Variants in XYLT2 observed in about 807,000 individuals in gnomAD.
XYLT2 encodes the protein UDP-D-xylose:proteoglycan core protein beta-D-xylosyltransferase.
A neutral mutation model predicts 82.6 loss-of-function variants in XYLT2; 37 were observed. The ratio of observed to expected loss-of-function variants is 0.45; its 90% confidence interval spans 0.34 to 0.59. XYLT2 has a LOEUF of 0.59. Ranked by LOEUF, XYLT2 falls within the 20% of genes least tolerant of loss-of-function variation. The pLI is 0.01. For synonymous variants in XYLT2, 474 were observed against 499.0 expected (o/e 0.95, Z 0.67); for missense variants, 934 against 1,181.3 (o/e 0.79, Z 3.07).
chr17:50,355,195 G>A lies in XYLT2; in HGVS notation c.1007+139G>A, dbSNP rs990536947. 4.1e-6 allele frequency: 4 copies of A among 964,554 alleles called. No individual in the cohort carries two copies. In the African/African-American group the frequency reaches 4.9e-5, roughly 12 times the overall value. The allele number at this position is 964,554 out of a possible 1,614,324, so 59.7% of individuals were successfully genotyped here. A position where few individuals can be genotyped will look rare whatever the true frequency, so the allele number is the denominator to read the frequency against. On this transcript the variant is annotated intron_variant, in intron 4 of 10. Transcript: ENST00000017003. Reference sequence around the variant, plus strand: ...GCCCTGCTCAGACATGGGCCCCTGGGCCCCAGCTATGTTTTAGGGGAGGGG... The same window carrying A: ...GCCCTGCTCAGACATGGGCCCCTGGACCCCAGCTATGTTTTAGGGGAGGGG...
At chr17:50,349,918 C>T (rs1912185691) in intron 1 of XYLT2, among the ~76,000 whole-genome samples, 1 of 152,162 alleles carries the variant, frequency 6.6e-6, no homozygotes, top group Admixed American at 6.5e-5. Context: ...TATGGTGGCT[C>T]ACGCCTGTAA....
chr17:50,354,725 A>G (rs1313403920), intron 3 of XYLT2, 129 bp from the exon 4 acceptor site: 1 of 1,527,460 alleles, frequency 6.5e-7, no homozygotes, highest in Admixed American at 1.8e-5. Context: ...AGCACGAGCC[A>G]GCTCAGCCGC....
intron 3 of XYLT2, 80 bp downstream of exon 3, chr17:50,354,663 C>A (rs1912431055): frequency 2.0e-6 from 3 of 1,492,762 alleles, no homozygotes; most frequent in African/African-American, 1.8e-5. Context: ...GAGTCTCTGA[C>A]CTGGCCCAGG....
chr17:50,354,366 G>A, intron 2 of XYLT2, 42 bp from the exon 3 acceptor site: 1 of 1,563,716 alleles, frequency 6.4e-7, no homozygotes, highest in East Asian at 2.3e-5. Context: ...CCCACCCTGT[G>A]ACCTAGGGTG....
chr17:50,349,349 G>T (rs1396341894), intron 1 of XYLT2, among the ~76,000 whole-genome samples: 2 of 152,122 alleles, frequency 1.3e-5, no homozygotes, highest in Non-Finnish European at 2.9e-5. Flanking sequence ...CCAGCCTGTG[G>T]TGCCCTCCCC....
rs758112079 is a variant in XYLT2 at position 50,356,098 on chromosome 17, C to T, written c.1319C>T (p.Thr440Met). 2.2e-5 allele frequency: 36 copies of T among 1,614,064 alleles called. No homozygotes were observed. Among genetic ancestry groups the T allele is most frequent in the Non-Finnish European group, 2.8e-5 (33 of 1,180,002 alleles). The change falls in exon 7 of 11, where the codon ACG becomes ATG. Residue 440 changes from threonine (T) to methionine (M), a missense_variant. Coordinates refer to ENST00000017003, the MANE Select transcript of XYLT2 (RefSeq NM_022167.4). ...TLLPAESFFHTVLENSLACET... is the reference protein window; with the variant it reads ...TLLPAESFFHMVLENSLACET... ...TGCTGCTTGCAGTCCTTCTTCCACA[C>T]GGTGCTGGAGAACAGCCTGGCCTGT...
At chr17:50,354,613 T>C (rs762403012) in intron 3 of XYLT2, 30 bp downstream of exon 3, 4 of 1,585,480 alleles carry the variant, frequency 2.5e-6, no homozygotes, top group South Asian at 2.2e-5. Flanking sequence ...CCAAGGGGTC[T>C]GGGATGAGCA....
intron 1 of XYLT2, among the ~76,000 whole-genome samples, chr17:50,351,591 G>T (rs138291744): frequency 1.3e-5 from 2 of 152,062 alleles, no homozygotes; most frequent in East Asian, 3.8e-4. Context: ...CCAAGATTGC[G>T]CCACTGCACC....
chr17:50,357,152 C>T lies in XYLT2; in HGVS notation c.1841C>T (p.Ala614Val), dbSNP rs149423854. The T allele has an allele frequency of 1.5e-3, 2,376 of 1,613,622 alleles. 2 individuals are homozygous for T. The highest frequency in any genetic ancestry group is 1.9e-3 in the Non-Finnish European group (2,198 of 1,179,972). ...YLVTQAVQPSAQGPAETLEMW... is the reference protein window; with the variant it reads ...YLVTQAVQPSVQGPAETLEMW... ...GTGACGCAGGCGGTGCAGCCCTCAG[C>T]CCAGGGGCCGGCAGAGACGCTTGAG... is the stretch of plus-strand genomic sequence containing the variant. Residue 614 changes from alanine to valine, a missense_variant, in exon 9 of 11, where the codon GCC becomes GTC. By Grantham distance (64) the Ala-to-Val change is moderately conservative (BLOSUM62 0). Coordinates refer to ENST00000017003, the MANE Select transcript of XYLT2 (RefSeq NM_022167.4).
Position 50,346,525 on chromosome 17 carries a change from G to C in XYLT2, c.135+250G>C. The C allele has an allele frequency of 4.5e-6, 4 of 892,454 alleles. No homozygotes were observed. The highest frequency in any genetic ancestry group is 5.4e-6 in the Non-Finnish European group (4 of 745,132). 55.3% of individuals were successfully genotyped at this position (892,454 alleles called of 1,614,324 possible). ...TGGTGGATTGGGAGTCGGGCGGGGG[G>C]AGCAGGTCATGCTAGGGTGGTCTCC... On this transcript the variant is annotated intron_variant, in intron 1 of 10. Transcript: ENST00000017003. The surrounding 1 kb of genome is among the most constrained non-coding windows in gnomAD (Gnocchi z 5.1).
At position 50,346,332 on chromosome 17, in the gene XYLT2, G is replaced by C. The variant is rs1322765316; in HGVS notation, c.135+57G>C. The C allele has an allele frequency of 1.7e-5, 17 of 1,005,754 alleles. No individual in the cohort carries two copies. The highest frequency in any genetic ancestry group is 2.0e-5 in the Non-Finnish European group (17 of 844,698). 62.3% of individuals were successfully genotyped at this position (1,005,754 alleles called of 1,614,324 possible). ...GGGCGCGGGGGCGCGCGGGGTCCTG[G>C]CGGGGCTGCGGGCGGCCCCAGCCGG... On this transcript the variant is annotated intron_variant, in intron 1 of 10. Coordinates refer to ENST00000017003, the MANE Select transcript of XYLT2 (RefSeq NM_022167.4). The surrounding 1 kb of genome is among the most constrained non-coding windows in gnomAD (Gnocchi z 5.1).
intron 1 of XYLT2, among the ~76,000 whole-genome samples, chr17:50,352,543 C>T (rs1211854523): frequency 3.9e-5 from 6 of 152,182 alleles, no homozygotes; most frequent in African/African-American, 7.2e-5. Flanking sequence ...GATCTGAAAG[C>T]ATGGATGGGA....
chr17:50,355,472 G>A (rs1232038996), intron 4 of XYLT2, 29 bp from the exon 5 acceptor site: 2 of 1,609,970 alleles, frequency 1.2e-6, no homozygotes, highest in Middle Eastern at 1.7e-4. Flanking sequence ...TATCTCATGT[G>A]GCTGCCTGTC....
Position 50,353,917 on chromosome 17 carries a change from C to T in XYLT2, c.423C>T (p.His141=), listed in dbSNP as rs777978882. Residue 141 remains histidine (H), a synonymous_variant, in exon 2 of 11, where the codon CAC becomes CAT. Coordinates refer to ENST00000017003, the MANE Select transcript of XYLT2 (RefSeq NM_022167.4). ...TAGGGGCAGCTGGCTTCCCACCACA[C>T]GGAGATACAGGGAGCGTGGAGGGCG... ...ALVGAAGFPP[H]GDTGSVEGAP... is the part of the protein sequence containing the mutation. 5.6e-6 allele frequency: 9 copies of T among 1,608,434 alleles called. No homozygotes were observed. Among genetic ancestry groups the T allele is most frequent in the South Asian group, 2.2e-5 (2 of 91,064 alleles).
In XYLT2 at chr17:50,356,737, C is replaced by CCA; in HGVS notation, c.1711_1712dup (p.Ala572LeufsTer36). On this transcript the variant is annotated frameshift_variant, in exon 8 of 11. Transcript: ENST00000017003. LOFTEE classifies it high-confidence loss of function. Reference sequence around the variant, plus strand: ...GCCCGCCTCAGCCTGCACCATGCCGCCACTGCTGCACCCCCAATGGGCACC... The same window carrying CCA: ...GCCCGCCTCAGCCTGCACCATGCCGCCACACTGCTGCACCCCCAATGGGCACC... 1 of 1,606,992 alleles carries CCA rather than the reference C, an allele frequency of 6.2e-7. No individual in the cohort carries two copies. The highest frequency in any genetic ancestry group is 8.5e-7 in the Non-Finnish European group (1 of 1,179,910).
chr17:50,356,137 A>G lies in XYLT2; in HGVS notation c.1358A>G (p.Asp453Gly). The change falls in exon 7 of 11, where the codon GAC (aspartate) becomes GGC (glycine). Residue 453 changes from aspartate to glycine, a missense_variant. Asp to Gly is a moderately conservative substitution (Grantham distance 94, BLOSUM62 -1). This residue lies in a region of XYLT2 where 189 missense variants were observed against 320.8 expected (regional missense o/e 0.59). Transcript: ENST00000017003. ...AGCCTGGCCTGTGAGACCCTCGTGG[A>G]CAACAACCTGCGGGTCACCAACTGG... is the stretch of plus-strand genomic sequence containing the variant. ...ENSLACETLVDNNLRVTNWNR... is the reference protein window; with the variant it reads ...ENSLACETLVGNNLRVTNWNR... 6.2e-7 allele frequency: 1 copy of G among 1,614,222 alleles called. No homozygotes were observed. Among genetic ancestry groups the G allele is most frequent in the Non-Finnish European group, 8.5e-7 (1 of 1,180,036 alleles).
rs1912553296 is a variant in XYLT2, at chr17:50,356,675, G to A, written c.1647G>A (p.Gly549=). The part of the protein sequence containing the change: ...NTYDAADGPS[G]LSDVMLTAYT... Reference sequence around the variant, plus strand: ...ACGACGCGGCTGATGGCCCCAGTGGGCTCAGTGATGTCATGCTCACTGCTT... The same window carrying A: ...ACGACGCGGCTGATGGCCCCAGTGGACTCAGTGATGTCATGCTCACTGCTT... The change falls in exon 8 of 11, where the codon GGG becomes GGA. Residue 549 remains glycine, a synonymous_variant. Transcript: ENST00000017003. 6.2e-7 allele frequency: 1 copy of A among 1,613,460 alleles called. No individual in the cohort carries two copies. The highest frequency in any genetic ancestry group is 8.5e-7 in the Non-Finnish European group (1 of 1,180,018).
Position 50,357,868 on chromosome 17 carries a change from C to T in XYLT2, c.1942-339C>T, listed in dbSNP as rs143567418. ...GTGCTGGGAATACAAGCGCAAGCCA[C>T]CGCGCCTGGCCCCTCCTCATAGTCT... On this transcript the variant is annotated intron_variant, in intron 9 of 10. Coordinates refer to ENST00000017003, the MANE Select transcript of XYLT2 (RefSeq NM_022167.4). The T allele has an allele frequency of 2.3e-3, 610 of 270,346 alleles. 4 individuals carry two copies. The highest frequency in any genetic ancestry group is 3.8e-3 in the Non-Finnish European group (543 of 142,582). The allele number at this position is 270,346 out of a possible 1,614,324, so 16.7% of individuals were successfully genotyped here.
rs1912675596 is a variant in XYLT2, at chr17:50,358,903, T to C, written c.2275+363T>C. The stretch of plus-strand genomic sequence containing the variant: ...CAACACAAATCCACTCAACCTAGCT[T>C]GAGTTAAAAAGGGGAGAAGACTGGA... On this transcript the variant is annotated intron_variant, in intron 10 of 10. Transcript: ENST00000017003. 16 of 198,316 alleles carry C rather than the reference T, an allele frequency of 8.1e-5. No homozygotes were observed. The South Asian group carries it at 1.9e-3, about 24-fold the overall frequency. The allele number at this position is 198,316 out of a possible 1,614,324, so 12.3% of individuals were successfully genotyped here.
Sources: gnomAD v4.1 joint callset for allele counts (sites outside exome capture counted in the v4.1 genomes callset) on GRCh38, gnomAD v4.1.1 for gene constraint, gnomAD v4.1.1 regional missense constraint, Gnocchi (gnomAD v3.1) non-coding constraint, MANE v1.5 for transcripts, NCBI Gene and HGNC (gene_info 2026-07-23, HGNC 2026-07-21) for gene names.